The following SANBR variants were observed in gnomAD, a reference collection of about 807,000 sequenced individuals.
The protein encoded by SANBR is SANT and BTB domain regulator of class switch recombination.
A neutral mutation model predicts 101.8 loss-of-function variants in SANBR; 77 were observed. The observed-to-expected ratio is 0.76, with a 90% CI of 0.63 to 0.91. SANBR has a LOEUF of 0.91. SANBR is among the 40% of genes least tolerant of loss of function. SANBR has a pLI of 0.00. For missense variants in SANBR, 875 were observed against 853.0 expected (o/e 1.03, Z -0.32); for synonymous variants, 279 against 274.7 (o/e 1.02, Z -0.15).
At chr2:61,081,869 G>A (rs563984516) in intron 7 of SANBR, among the ~76,000 whole-genome samples, 3 of 152,044 alleles carry the variant, frequency 2.0e-5, no homozygotes, top group South Asian at 2.1e-4. Flanking sequence ...GGCTGGTCTC[G>A]AACTCCTAAT....
intron 13 of SANBR, among the ~76,000 whole-genome samples, chr2:61,104,945 T>C (rs1683483098): frequency 6.7e-6 from 1 of 150,086 alleles, no homozygotes; most frequent in Admixed American, 6.7e-5. Context: ...GCATGATTGA[T>C]CCAACTAGAA....
intron 10 of SANBR, chr2:61,090,437 A>G (rs934247398): frequency 6.6e-6 from 1 of 151,998 alleles, no homozygotes; most frequent in African/African-American, 2.4e-5. Flanking sequence ...GTATTTTCCT[A>G]CATGTCAGCA....
downstream of SANBR, among the ~76,000 whole-genome samples, chr2:61,125,512 G>A (rs1179144806): frequency 6.6e-6 from 1 of 152,202 alleles, no homozygotes; most frequent in Non-Finnish European, 1.5e-5. Flanking sequence ...ATACGTGGTA[G>A]GGAACTATGT....
At chr2:61,069,403 A>G (rs955468098) in intron 2 of SANBR, among the ~76,000 whole-genome samples, 20 of 152,160 alleles carry the variant, frequency 1.3e-4, no homozygotes, top group African/African-American at 4.8e-4. Flanking sequence ...CTTGGCTAGC[A>G]GGTAGTAGAG....
At position 61,094,909 on chromosome 2, in the gene SANBR, T is replaced by C. The variant is rs575683953; in HGVS notation, c.1212+2322T>C. ...ATCCGCCTGCCTTGGCCTCCCAAAG[T>C]GCTGGGATTATAGGCCTGAGCCACT... On this transcript the variant is annotated intron_variant, in intron 11 of 21. Transcript: ENST00000402291. Among the ~76,000 whole-genome samples, 369 of 152,338 alleles carry C rather than the reference T, an allele frequency of 2.4e-3. 1 individual carries two copies. Among genetic ancestry groups the C allele is most frequent in the Non-Finnish European group, 4.3e-3 (290 of 68,026 alleles).
chr2:61,135,959 A>C (rs1473207616), intron 21 of SANBR, among the ~76,000 whole-genome samples: 1 of 152,250 alleles, frequency 6.6e-6, no homozygotes, highest in Non-Finnish European at 1.5e-5. Context: ...CTAAGCATTT[A>C]GAAGTCTCTT....
chr2:61,104,082 C>T (rs1355189793), intron 13 of SANBR, 84 bp downstream of exon 13: 7 of 1,209,932 alleles, frequency 5.8e-6, no homozygotes, highest in Non-Finnish European at 7.1e-6. Flanking sequence ...AAATCAGCAA[C>T]GTCAGTCCTC....
rs1681596947 is a variant in SANBR at position 61,073,567 on chromosome 2, T to C, written c.431+16T>C. Reference sequence around the variant, plus strand: ...AATCTGAAGGGTAGGCGGCTGGTTGTTTGCTAGATAAGATTAAATATTAAT... The same window carrying C: ...AATCTGAAGGGTAGGCGGCTGGTTGCTTGCTAGATAAGATTAAATATTAAT... On this transcript the variant is annotated intron_variant, in intron 5 of 21. Coordinates refer to ENST00000402291, the MANE Select transcript of SANBR (RefSeq NM_001129993.3). The C allele has an allele frequency of 3.5e-6, 5 of 1,418,244 alleles. No individual in the cohort carries two copies. In the South Asian group the frequency reaches 6.2e-5, roughly 18 times the overall value. 87.9% of individuals were successfully genotyped at this position (1,418,244 alleles called of 1,614,324 possible). A position where few individuals can be genotyped will look rare whatever the true frequency, so the allele number is the denominator to read the frequency against.
rs955631135 is a variant in SANBR, at chr2:61,104,436, C to T, written c.1511+438C>T. On this transcript the variant is annotated intron_variant, in intron 13 of 21. Transcript: ENST00000402291. ...GGTGGAGCTGGCAGTGAGCCAAGAT[C>T]GTGCCACTGCACTCCAGCCTGGGTG... 2.7e-5 allele frequency among the ~76,000 whole-genome samples: 4 copies of T among 149,892 alleles called. No individual in the cohort carries two copies. In the East Asian group the frequency reaches 5.9e-4, roughly 22 times the overall value.
intron 11 of SANBR, chr2:61,093,979 C>T (rs6720762): frequency 2.7e-6 from 1 of 364,012 alleles, no homozygotes; most frequent in Non-Finnish European, 3.8e-6. Flanking sequence ...CTTTTGAATC[C>T]CTAAAGTTTT....
intron 6 of SANBR, among the ~76,000 whole-genome samples, chr2:61,079,257 C>T (rs1681959472): frequency 6.6e-6 from 1 of 151,892 alleles, no homozygotes; most frequent in Admixed American, 6.6e-5. Context: ...GTTCAAGAGC[C>T]AGTGTTCTAA....
At chr2:61,100,248 G>T (rs992468102) in intron 12 of SANBR, among the ~76,000 whole-genome samples, 1 of 152,146 alleles carries the variant, frequency 6.6e-6, no homozygotes, top group African/African-American at 2.4e-5. Flanking sequence ...GGGATTACAG[G>T]CATGTGCCAC....
At chr2:61,115,344 ATAT>A (rs1684021923) in intron 16 of SANBR, among the ~76,000 whole-genome samples, 1 of 97,756 alleles carries the variant, frequency 1.0e-5, no homozygotes, top group Non-Finnish European at 2.1e-5. Context: ...ATATATATAT[ATAT>A]TTTTTTTTTG....
At chr2:61,131,749 C>T (rs1390009009) in intron 20 of SANBR, among the ~76,000 whole-genome samples, 1 of 152,100 alleles carries the variant, frequency 6.6e-6, no homozygotes, top group Non-Finnish European at 1.5e-5. Flanking sequence ...TTTTGGAAGA[C>T]AACAAAGTTA....
intron 8 of SANBR, 108 bp from the exon 9 acceptor site, chr2:61,088,051 A>C (rs1309140280): frequency 1.7e-6 from 1 of 586,346 alleles, no homozygotes; most frequent in African/African-American, 1.9e-5. Context: ...CAAGAGAGCC[A>C]CTAAGGATTT....
chr2:61,097,515 T>C (rs901446195), intron 11 of SANBR, among the ~76,000 whole-genome samples, 185 bp from the exon 12 acceptor site: 8 of 152,198 alleles, frequency 5.3e-5, no homozygotes, highest in Non-Finnish European at 1.2e-4. Flanking sequence ...CATGCCCATT[T>C]GCTGCTATTC....
rs1682817171 is a variant in SANBR, at chr2:61,092,534, T to A, written c.1159T>A (p.Tyr387Asn). The A allele has an allele frequency of 6.2e-7, 1 of 1,607,718 alleles. No individual in the cohort carries two copies. Among genetic ancestry groups the A allele is most frequent in the Non-Finnish European group, 8.5e-7 (1 of 1,177,198 alleles). Residue 387 changes from tyrosine (Y) to asparagine (N), a missense_variant, in exon 11 of 22, where the codon TAC becomes AAC. Transcript: ENST00000402291. ...FEELKSWRDV[Y>N]WRLWGTINWL... ...AGAATTAAAATCTTGGAGAGATGTA[T>A]ACTGGCGATTGTGGGGAACAATCAA... is the stretch of plus-strand genomic sequence containing the variant.
At chr2:61,086,493 A>G (rs780238845) in intron 8 of SANBR, among the ~76,000 whole-genome samples, 1 of 152,150 alleles carries the variant, frequency 6.6e-6, no homozygotes, top group Non-Finnish European at 1.5e-5. Flanking sequence ...AGCAGAGGAG[A>G]AGTAGCCAGT....
intron 8 of SANBR, 86 bp downstream of exon 8, chr2:61,083,400 T>TC: frequency 1.1e-6 from 1 of 921,648 alleles, no homozygotes; most frequent in South Asian, 1.8e-5. Flanking sequence ...ATTCTTTCTT[T>TC]TTTCTTTTTT....
Sources: allele counts gnomAD v4.1 joint callset (sites outside exome capture counted in the v4.1 genomes callset), GRCh38; gene constraint gnomAD v4.1.1; transcripts MANE v1.5; gene names NCBI Gene and HGNC (gene_info 2026-07-23, HGNC 2026-07-21).